Variants in ASTN2 observed in about 807,000 individuals in gnomAD.
The protein encoded by ASTN2 is astrotactin 2.
In ASTN2, 54 loss-of-function variants were observed where a neutral mutation model predicts 139.8. That is an observed-to-expected ratio of 0.39 (90% CI 0.31 to 0.48). The LOEUF is 0.48. ASTN2 is among the 20% of genes least tolerant of loss of function. ASTN2 has a pLI of 0.95. For synonymous variants in ASTN2, 756 were observed against 719.5 expected (o/e 1.05, Z -0.81); for missense variants, 1,565 against 1,725.1 (o/e 0.91, Z 1.64).
chr9:117,057,657 C>A (rs752952968), intron 5 of ASTN2, among the ~76,000 whole-genome samples: 18 of 152,222 alleles, frequency 1.2e-4, no homozygotes, highest in Non-Finnish European at 2.4e-4. Flanking sequence ...GTAACAGCAG[C>A]CCTGGGAATC....
intron 1 of ASTN2, among the ~76,000 whole-genome samples, chr9:117,403,597 T>G (rs1211880703): frequency 6.6e-6 from 1 of 150,724 alleles, no homozygotes; most frequent in African/African-American, 2.4e-5. Context: ...CAAATGCAGC[T>G]ATTACTGTGA....
At chr9:116,737,932 C>T (rs983660597) in intron 13 of ASTN2, among the ~76,000 whole-genome samples, 1 of 152,042 alleles carries the variant, frequency 6.6e-6, no homozygotes, top group African/African-American at 2.4e-5. Context: ...GTGGCTCACG[C>T]CTGTAATCCC....
At chr9:117,132,563 A>T (rs1829851877) in intron 4 of ASTN2, among the ~76,000 whole-genome samples, 1 of 152,204 alleles carries the variant, frequency 6.6e-6, no homozygotes. Flanking sequence ...TTTCAGATGG[A>T]CAAGAAAAAG....
rs138209428 is a variant in ASTN2, at chr9:116,425,975, C to T, written c.3896G>A (p.Arg1299His). The change falls in exon 23 of 23, where the codon CGC becomes CAC. Residue 1299 changes from arginine to histidine, a missense_variant. By Grantham distance (29) the Arg-to-His change is conservative. This residue lies in a region of ASTN2 where 418 missense variants were observed against 465.8 expected (regional missense o/e 0.90). Transcript: ENST00000313400. ...GCCTGCAGGCCGGACCTCCTCGCTG[C>T]GGCAGAAAAGATAGGGCACTGTTTC... is the stretch of plus-strand genomic sequence containing the variant. The part of the protein sequence containing the change: ...RVETVPYLFC[R>H]SEEVRPAGMV... 9.0e-5 allele frequency: 145 copies of T among 1,614,118 alleles called. No homozygotes were observed. In the East Asian group the frequency reaches 2.5e-3, roughly 28 times the overall value.
intron 1 of ASTN2, among the ~76,000 whole-genome samples, chr9:117,319,722 C>T (rs955887637): frequency 1.3e-5 from 2 of 152,084 alleles, no homozygotes; most frequent in African/African-American, 2.4e-5. Flanking sequence ...AGGCATTAGC[C>T]ACCCTACCTG....
chr9:116,557,141 G>A (rs1259348751), intron 19 of ASTN2, among the ~76,000 whole-genome samples: 2 of 148,358 alleles, frequency 1.3e-5, no homozygotes, highest in African/African-American at 2.5e-5. Context: ...GGAGAATGGC[G>A]TGAACCTGGG....
intron 1 of ASTN2, among the ~76,000 whole-genome samples, chr9:117,406,074 CAG>C (rs1830978701): frequency 6.6e-6 from 1 of 152,168 alleles, no homozygotes; most frequent in Non-Finnish European, 1.5e-5. Context: ...TTAGCAAACA[CAG>C]AGTTCTAGTT....
chr9:117,259,407 A>G (rs1441362066), intron 2 of ASTN2, among the ~76,000 whole-genome samples: 1 of 152,168 alleles, frequency 6.6e-6, no homozygotes, highest in East Asian at 1.9e-4. Flanking sequence ...CCATGATGGG[A>G]AGGGGAGGTC....
rs758305128 is a variant in ASTN2 at position 116,805,621 on chromosome 9, C to A, written c.2396+11G>T. On this transcript the variant is annotated intron_variant, in intron 13 of 22. Transcript: ENST00000313400. The stretch of plus-strand genomic sequence containing the variant: ...ACTCAGACAAGCAATGTGCAAGTAT[C>A]TACAGCATACCTAAAGGTCATCTGG... The A allele has an allele frequency of 6.2e-7, 1 of 1,612,652 alleles. No individual in the cohort carries two copies.
intron 4 of ASTN2, among the ~76,000 whole-genome samples, chr9:117,097,485 C>A (rs912091351): frequency 6.6e-6 from 1 of 151,912 alleles, no homozygotes. Flanking sequence ...TAGATGGGCA[C>A]GGGAGAATAA....
intron 19 of ASTN2, among the ~76,000 whole-genome samples, chr9:116,535,751 G>C (rs943844343): frequency 2.0e-5 from 3 of 152,126 alleles, no homozygotes; most frequent in Non-Finnish European, 4.4e-5. Context: ...GCTTCCCTTT[G>C]TTGGTAACCC....
intron 5 of ASTN2, among the ~76,000 whole-genome samples, chr9:117,076,375 C>T (rs1024988579): frequency 2.7e-5 from 4 of 147,314 alleles, no homozygotes; most frequent in African/African-American, 7.6e-5. Context: ...TAATTTCTGT[C>T]GAATAAAGGA....
chr9:117,148,961 C>A (rs1211782795), intron 3 of ASTN2, among the ~76,000 whole-genome samples: 3 of 151,946 alleles, frequency 2.0e-5, no homozygotes, highest in East Asian at 3.9e-4. Flanking sequence ...CTGGAACTTG[C>A]CAGCCTCCAC....
At chr9:117,409,066 T>G (rs562317288) in intron 1 of ASTN2, among the ~76,000 whole-genome samples, 2 of 152,258 alleles carry the variant, frequency 1.3e-5, no homozygotes, top group East Asian at 3.9e-4. Context: ...TAACCAAATA[T>G]CTCAATTAGC....
chr9:117,206,574 A>G (rs753595951), intron 3 of ASTN2, among the ~76,000 whole-genome samples: 8 of 152,176 alleles, frequency 5.3e-5, no homozygotes, highest in Non-Finnish European at 8.8e-5. Context: ...GCACCTCTCC[A>G]GCAATGGGGC....
At chr9:116,446,375 A>C (rs371822545) in intron 20 of ASTN2, among the ~76,000 whole-genome samples, 11 of 151,158 alleles carry the variant, frequency 7.3e-5, no homozygotes, top group Non-Finnish European at 1.2e-4. Context: ...TAGTTCTGTC[A>C]TCATCTCTCT....
chr9:116,668,395 T>A (rs1588165566), intron 16 of ASTN2, among the ~76,000 whole-genome samples: 1 of 152,202 alleles, frequency 6.6e-6, no homozygotes, highest in East Asian at 1.9e-4. Flanking sequence ...TTCACCCATG[T>A]TGGCCAGGCT....
At chr9:116,786,632 A>G (rs1052909952) in intron 13 of ASTN2, among the ~76,000 whole-genome samples, 19 of 152,248 alleles carry the variant, frequency 1.2e-4, no homozygotes, top group Non-Finnish European at 2.8e-4. Flanking sequence ...AAGGATAGAA[A>G]AAAAACTGAG....
Position 117,263,982 on chromosome 9 carries a change from C to T in ASTN2, c.630+27344G>A, listed in dbSNP as rs185288915. 4.1e-3 allele frequency among the ~76,000 whole-genome samples: 627 copies of T among 151,934 alleles called. 2 individuals are homozygous for T. The highest frequency in any genetic ancestry group is 8.6e-3 in the Admixed American group (131 of 15,260). ...TGGAGTTCGAGACCAGCCTGGGCAACGCAGCGAAATCCCATCTCTACCAAA... is the reference window on the plus strand; with the variant it reads ...TGGAGTTCGAGACCAGCCTGGGCAATGCAGCGAAATCCCATCTCTACCAAA... On this transcript the variant is annotated intron_variant, in intron 2 of 22. Coordinates refer to ENST00000313400, the MANE Select transcript of ASTN2 (RefSeq NM_001365068.1).
Sources: allele counts gnomAD v4.1 joint callset (sites outside exome capture counted in the v4.1 genomes callset), GRCh38; gene constraint gnomAD v4.1.1; regional missense constraint gnomAD v4.1.1; transcripts MANE v1.5; gene names NCBI Gene and HGNC (gene_info 2026-07-23, HGNC 2026-07-21).